The following HIF1A variants were observed in gnomAD, a reference collection of about 807,000 sequenced individuals.
HIF1A encodes the protein hypoxia-inducible factor 1-alpha.
Under a neutral mutation model 92.7 loss-of-function variants are expected in HIF1A, and 24 were observed. That is an observed-to-expected ratio of 0.26 (90% confidence interval 0.19 to 0.36). The LOEUF is 0.36. Among genes scored for constraint, HIF1A ranks in the 10% least tolerant of loss-of-function variants. The pLI, the probability that HIF1A is intolerant of heterozygous loss-of-function variation, is 1.00. For missense variants in HIF1A, 799 were observed against 998.5 expected, an observed-to-expected ratio of 0.80 and a Z score of 2.69; for synonymous variants, 319 against 338.7, an observed-to-expected ratio of 0.94 and a Z score of 0.64.
At chr14:61,726,157 T>C (rs2044501076) in intron 4 of HIF1A, among the ~76,000 whole-genome samples, 1 of 152,080 alleles carries the variant, frequency 6.6e-6, no homozygotes, top group Non-Finnish European at 1.5e-5. Context: ...TGATCTGTTG[T>C]TGTTGTTTTC....
intron 12 of HIF1A, among the ~76,000 whole-genome samples, chr14:61,743,423 TGAAAG>T (rs2044738313): frequency 6.6e-6 from 1 of 152,180 alleles, no homozygotes; most frequent in Admixed American, 6.5e-5. Flanking sequence ...AAAACTTTTA[TGAAAG>T]GAATTTCAAA....
chr14:61,695,856 G>A lies in HIF1A; in HGVS notation c.35+17G>A, dbSNP rs1321232376. The A allele has an allele frequency of 3.2e-6, 5 of 1,564,404 alleles. No homozygotes were observed. The highest frequency in any genetic ancestry group is 4.3e-6 in the Non-Finnish European group (5 of 1,154,888). On this transcript the variant is annotated intron_variant, in intron 1 of 14. Transcript: ENST00000337138. ...CAAGAAAAAGTAAGCCCATTCCCTC[G>A]GCCCGCCGCCTTCTCCCCCGGCGAC...
intron 6 of HIF1A, among the ~76,000 whole-genome samples, chr14:61,729,140 T>A (rs961797192): frequency 6.6e-6 from 1 of 152,068 alleles, no homozygotes; most frequent in Admixed American, 6.5e-5. Flanking sequence ...TACTTAACTG[T>A]TGTAAAATTC....
rs1594892184 is a variant in HIF1A, at chr14:61,747,216, G to T, written c.*131G>T. On this transcript the variant is annotated 3_prime_UTR_variant, in exon 15 of 15. Transcript: ENST00000337138. ...GCACAAACTTGGTTAGTTCAATTTT[G>T]ATCCCCTTTCTACTTAATTTACATT... is the stretch of plus-strand genomic sequence containing the variant. 1.9e-6 allele frequency: 1 copy of T among 532,936 alleles called. No homozygotes were observed. The highest frequency in any genetic ancestry group is 3.2e-6 in the Non-Finnish European group (1 of 309,056). 33.0% of individuals were successfully genotyped at this position (532,936 alleles called of 1,614,324 possible).
At chr14:61,733,497 G>A (rs1437993925) in intron 7 of HIF1A, among the ~76,000 whole-genome samples, 1 of 152,170 alleles carries the variant, frequency 6.6e-6, no homozygotes, top group East Asian at 1.9e-4. Context: ...TATCTCACCT[G>A]TTTAATCTGT....
chr14:61,695,796 C>G lies in HIF1A; in HGVS notation c.-9C>G, dbSNP rs1205425082. The G allele has an allele frequency of 6.3e-7, 1 of 1,596,708 alleles. No individual in the cohort carries two copies. The highest frequency in any genetic ancestry group is 1.1e-5 in the South Asian group (1 of 87,966). On this transcript the variant is annotated 5_prime_UTR_variant, in exon 1 of 15. Transcript: ENST00000337138. Reference sequence around the variant, plus strand: ...CCCGCCGTGAAGACATCGCGGGGACCGATTCACCATGGAGGGCGCCGGCGG... The same window carrying G: ...CCCGCCGTGAAGACATCGCGGGGACGGATTCACCATGGAGGGCGCCGGCGG...
At chr14:61,739,956 C>CT (rs879512364) in intron 10 of HIF1A, 4 of 150,184 alleles carry the variant, frequency 2.7e-5, no homozygotes, top group Non-Finnish European at 5.9e-5. Flanking sequence ...TAAGGTGTTT[C>CT]TTTTCATCTC....
At chr14:61,732,981 T>C (rs1392257540) in intron 7 of HIF1A, among the ~76,000 whole-genome samples, 4 of 152,218 alleles carry the variant, frequency 2.6e-5, no homozygotes, top group Admixed American at 1.3e-4. Context: ...AATATTTTGA[T>C]ATAGGCATGC....
intron 13 of HIF1A, among the ~76,000 whole-genome samples, chr14:61,745,201 T>C (rs541130149): frequency 1.3e-5 from 2 of 152,224 alleles, no homozygotes; most frequent in Admixed American, 1.3e-4. Context: ...AAGATGAGGA[T>C]CACTTGAGGT....
chr14:61,722,179 A>C (rs1409302963), intron 4 of HIF1A, among the ~76,000 whole-genome samples: 1 of 150,908 alleles, frequency 6.6e-6, no homozygotes, highest in Non-Finnish European at 1.5e-5. Flanking sequence ...GACCGCTGGG[A>C]CTCAAGCGAT....
chr14:61,724,349 T>TTCTCTCTCTCTCTC (rs147642291), intron 4 of HIF1A, among the ~76,000 whole-genome samples: 17,327 of 95,750 alleles, frequency 0.18, 3,154 homozygotes, highest in East Asian at 0.28. Flanking sequence ...CACACACACA[T>TTCTCTCTCTCTCTC]TCTCTCTCTC....
intron 2 of HIF1A, among the ~76,000 whole-genome samples, chr14:61,721,219 C>T (rs1020740543): frequency 3.9e-5 from 6 of 152,036 alleles, no homozygotes; most frequent in South Asian, 2.1e-4. Flanking sequence ...CCAGCCTGGG[C>T]GGCAGAGTGA....
chr14:61,745,456 A>G, intron 13 of HIF1A: 2 of 500,914 alleles, frequency 4.0e-6, no homozygotes, highest in Non-Finnish European at 7.2e-6. Flanking sequence ...TTTTGGGGTA[A>G]GTCAATGGTG....
At chr14:61,718,934 A>C (rs1189728464) in intron 1 of HIF1A, among the ~76,000 whole-genome samples, 2 of 152,230 alleles carry the variant, frequency 1.3e-5, no homozygotes, top group Non-Finnish European at 2.9e-5. Flanking sequence ...ATTCCTTATT[A>C]AAGTATAAAA....
At chr14:61,702,195 G>C (rs868102854) in intron 1 of HIF1A, among the ~76,000 whole-genome samples, 66 of 150,092 alleles carry the variant, frequency 4.4e-4, no homozygotes, top group Middle Eastern at 3.4e-3. Flanking sequence ...TGGGAGGCCG[G>C]GGCAGGTGAA....
chr14:61,714,332 GT>G (rs2044339982), intron 1 of HIF1A, among the ~76,000 whole-genome samples: 1 of 152,210 alleles, frequency 6.6e-6, no homozygotes, highest in Non-Finnish European at 1.5e-5. Flanking sequence ...GTGAGATGTT[GT>G]TTTAGTAAGT....
rs571038278 is a variant in HIF1A at position 61,734,367 on chromosome 14, A to G, written c.1028+82A>G. 4 of 929,492 alleles carry G rather than the reference A, an allele frequency of 4.3e-6. No homozygotes were observed. The African/African-American group carries it at 5.1e-5, about 12-fold the overall frequency. 57.6% of individuals were successfully genotyped at this position (929,492 alleles called of 1,614,324 possible). On this transcript the variant is annotated intron_variant, in intron 8 of 14. Coordinates refer to ENST00000337138, the MANE Select transcript of HIF1A (RefSeq NM_001530.4). ...TACTCTGTTCATTTATAGGAAGATA[A>G]GATAATAAATATTAACTAAATTTTA...
At chr14:61,721,419 G>A in intron 2 of HIF1A, 90 bp from the exon 3 acceptor site, 8 of 1,073,782 alleles carry the variant, frequency 7.5e-6, no homozygotes, top group Non-Finnish European at 1.1e-5. Context: ...TAAAGTGTCT[G>A]CGAGAAAACT....
At chr14:61,740,452 G>C (rs1344970173) in intron 10 of HIF1A, 53 bp from the exon 11 acceptor site, 3 of 1,359,864 alleles carry the variant, frequency 2.2e-6, no homozygotes, top group East Asian at 4.8e-5. Context: ...CTGACAACTA[G>C]CAAAGTATAT....
Sources: gnomAD v4.1 joint callset for allele counts (sites outside exome capture counted in the v4.1 genomes callset) on GRCh38, gnomAD v4.1.1 for gene constraint, MANE v1.5 for transcripts, NCBI Gene and HGNC (gene_info 2026-07-23, HGNC 2026-07-21) for gene names.